Variants in MSRB3 observed in about 807,000 individuals in gnomAD.
MSRB3 encodes methionine sulfoxide reductase B3.
Under a neutral mutation model 21.0 loss-of-function variants are expected in MSRB3, and 13 were observed. That is an observed-to-expected ratio of 0.62 (90% CI 0.40 to 0.98). MSRB3 has a LOEUF of 0.98. MSRB3 is among the 50% of genes least tolerant of loss of function. The pLI, the probability that MSRB3 is intolerant of heterozygous loss-of-function variation, is 0.00. For missense variants in MSRB3, 199 were observed against 230.3 expected (o/e 0.86, Z 0.88); for synonymous variants, 87 against 88.6 (o/e 0.98, Z 0.10).
intron 1 of MSRB3, among the ~76,000 whole-genome samples, chr12:65,298,297 C>A (rs976240709): frequency 6.6e-6 from 1 of 152,150 alleles, no homozygotes; most frequent in South Asian, 2.1e-4. Flanking sequence ...AGCCACCACA[C>A]CCTGCTGATG....
intron 4 of MSRB3, among the ~76,000 whole-genome samples, chr12:65,358,567 G>C (rs1877522680): frequency 6.6e-6 from 1 of 151,516 alleles, no homozygotes; most frequent in Non-Finnish European, 1.5e-5. Flanking sequence ...TTGTGTTTTT[G>C]AGTGCCTCTT....
intron 1 of MSRB3, among the ~76,000 whole-genome samples, chr12:65,306,442 A>T (rs1873659792): frequency 1.3e-5 from 2 of 152,212 alleles, no homozygotes; most frequent in Admixed American, 1.3e-4. Context: ...TTTATGAGTA[A>T]TGCTACTTTG....
chr12:65,460,278 A>G (rs148416872), intron 6 of MSRB3, among the ~76,000 whole-genome samples: 1 of 152,296 alleles, frequency 6.6e-6, no homozygotes, highest in Non-Finnish European at 1.5e-5. Context: ...GGCAACTTCC[A>G]TTTATCCTCC....
At chr12:65,353,927 A>G (rs1321512232) in intron 4 of MSRB3, among the ~76,000 whole-genome samples, 3 of 151,956 alleles carry the variant, frequency 2.0e-5, no homozygotes, top group Non-Finnish European at 4.4e-5. Flanking sequence ...CCTGGTGGTG[A>G]CAAAATCTCT....
At chr12:65,455,244 TAAAAA>T (rs67490305) in intron 6 of MSRB3, among the ~76,000 whole-genome samples, 2 of 140,536 alleles carry the variant, frequency 1.4e-5, no homozygotes, top group African/African-American at 5.3e-5. Flanking sequence ...TTGTTTTTAT[TAAAAA>T]AAAAAAAAAA....
At chr12:65,334,362 T>C (rs1316122468) in intron 4 of MSRB3, among the ~76,000 whole-genome samples, 1 of 152,164 alleles carries the variant, frequency 6.6e-6, no homozygotes, top group Non-Finnish European at 1.5e-5. Context: ...AAGTAACTTG[T>C]GAAGATCACA....
At position 65,278,811 on chromosome 12, in the gene MSRB3, C is replaced by T. The variant is rs967639631; in HGVS notation, c.-106C>T. 22 of 1,571,302 alleles carry T rather than the reference C, an allele frequency of 1.4e-5. No individual in the cohort carries two copies. The highest frequency in any genetic ancestry group is 6.8e-5 in the African/African-American group (5 of 73,816). ...CCTCCCGCGCCCCCTCTCGCTCTGC[C>T]TCTCCCTCTGCCTCTGCCTCTGCCT... is the stretch of plus-strand genomic sequence containing the variant. On this transcript the variant is annotated 5_prime_UTR_variant, in exon 1 of 7. Transcript: ENST00000308259.
At chr12:65,409,261 G>A (rs928654408) in intron 5 of MSRB3, among the ~76,000 whole-genome samples, 5 of 151,990 alleles carry the variant, frequency 3.3e-5, no homozygotes, top group South Asian at 2.1e-4. Context: ...TGAGAAACAC[G>A]TTGTTAGGCA....
intron 1 of MSRB3, among the ~76,000 whole-genome samples, chr12:65,305,490 A>G (rs1873599517): frequency 1.3e-5 from 2 of 152,200 alleles, no homozygotes; most frequent in Admixed American, 6.5e-5. Context: ...GTAGTGGTCA[A>G]GAGCACTGGC....
At chr12:65,428,968 T>C (rs1338700101) in intron 5 of MSRB3, among the ~76,000 whole-genome samples, 1 of 152,138 alleles carries the variant, frequency 6.6e-6, no homozygotes, top group Non-Finnish European at 1.5e-5. Context: ...TATGATTACT[T>C]ACCAGTCTCT....
At chr12:65,455,409 G>C (rs1012393795) in intron 6 of MSRB3, among the ~76,000 whole-genome samples, 8 of 152,140 alleles carry the variant, frequency 5.3e-5, no homozygotes, top group Non-Finnish European at 8.8e-5. Context: ...TCTGGTGCTG[G>C]GTTTCACCCA....
chr12:65,344,595 G>C (rs1876364723), intron 4 of MSRB3, among the ~76,000 whole-genome samples: 1 of 151,834 alleles, frequency 6.6e-6, no homozygotes, highest in South Asian at 2.1e-4. Context: ...ATTTTCACCT[G>C]TTTGGTGCTT....
chr12:65,308,519 TC>T lies in MSRB3; in HGVS notation c.-51-8del. Reference sequence around the variant, plus strand: ...ATTTGATTTTTGTTTTTGTTTTTTCTCCTACTCAGCTCTTGCCCCTGTTCTT... The same window carrying T: ...ATTTGATTTTTGTTTTTGTTTTTTCTCTACTCAGCTCTTGCCCCTGTTCTT... On this transcript the variant is annotated splice_polypyrimidine_tract_variant and intron_variant, in intron 1 of 6. Coordinates refer to ENST00000308259, the MANE Select transcript of MSRB3 (RefSeq NM_001031679.3). 1 of 1,613,514 alleles carries T rather than the reference TC, an allele frequency of 6.2e-7. No homozygotes were observed. The highest frequency in any genetic ancestry group is 8.5e-7 in the Non-Finnish European group (1 of 1,179,684).
intron 5 of MSRB3, among the ~76,000 whole-genome samples, chr12:65,371,386 C>T (rs1878316902): frequency 1.4e-5 from 2 of 148,130 alleles, no homozygotes; most frequent in Non-Finnish European, 3.0e-5. Flanking sequence ...TAAATAGGTT[C>T]AGATTCTCTA....
At chr12:65,292,794 T>A (rs1456048021) in intron 1 of MSRB3, among the ~76,000 whole-genome samples, 3 of 152,082 alleles carry the variant, frequency 2.0e-5, no homozygotes, top group African/African-American at 7.2e-5. Flanking sequence ...TCTTCTAGAT[T>A]TTAAAGGATT....
intron 5 of MSRB3, among the ~76,000 whole-genome samples, chr12:65,410,880 A>G (rs541258579): frequency 3.2e-4 from 49 of 152,276 alleles, no homozygotes; most frequent in African/African-American, 1.1e-3. Context: ...AAATAAAGGG[A>G]ATGATGTGAA....
At chr12:65,409,758 A>G (rs1218321981) in intron 5 of MSRB3, among the ~76,000 whole-genome samples, 2 of 152,190 alleles carry the variant, frequency 1.3e-5, no homozygotes, top group Non-Finnish European at 2.9e-5. Context: ...TAGATTTATT[A>G]TAAAAATAAC....
intron 2 of MSRB3, 107 bp from the exon 3 acceptor site, chr12:65,326,719 G>A (rs1875055768): frequency 2.6e-6 from 2 of 778,448 alleles, no homozygotes; most frequent in Non-Finnish European, 4.5e-6. Flanking sequence ...AGACTGGTCT[G>A]GTCATTGACA....
At chr12:65,348,014 G>T (rs893943037) in intron 4 of MSRB3, among the ~76,000 whole-genome samples, 4 of 152,024 alleles carry the variant, frequency 2.6e-5, no homozygotes. Flanking sequence ...TTTTTGCATC[G>T]ATGTTCATTA....
Sources: gnomAD v4.1 joint callset for allele counts (sites outside exome capture counted in the v4.1 genomes callset) on GRCh38, gnomAD v4.1.1 for gene constraint, MANE v1.5 for transcripts, NCBI Gene and HGNC (gene_info 2026-07-23, HGNC 2026-07-21) for gene names.